Variants in PMFBP1 observed in about 807,000 individuals in gnomAD.
The protein encoded by PMFBP1 is polyamine-modulated factor 1-binding protein 1.
In PMFBP1, 131 loss-of-function variants were observed where a neutral mutation model predicts 137.8. The ratio of observed to expected loss-of-function variants is 0.95; its 90% CI spans 0.82 to 1.10. The LOEUF (loss-of-function observed/expected upper bound fraction) is 1.10. Ranked by LOEUF, PMFBP1 falls within the 50% of genes least tolerant of loss-of-function variation. The pLI is 0.00. For synonymous variants in PMFBP1, 490 were observed against 450.4 expected, an observed-to-expected ratio of 1.09 and a Z score of -1.11; for missense variants, 1,199 against 1,175.4, an observed-to-expected ratio of 1.02 and a Z score of -0.29.
intron 3 of PMFBP1, among the ~76,000 whole-genome samples, chr16:72,161,280 T>C (rs1307526696): frequency 6.6e-6 from 1 of 151,948 alleles, no homozygotes; most frequent in African/African-American, 2.4e-5. Flanking sequence ...GTATTTTTAG[T>C]AGAGATGGGG....
the PMFBP1 span, among the ~76,000 whole-genome samples, chr16:72,233,723 G>A: frequency 2.6e-5 from 4 of 151,866 alleles, no homozygotes; most frequent in African/African-American, 7.3e-5. Flanking sequence ...TATACCTATC[G>A]GCAGTCATTC....
the PMFBP1 span, among the ~76,000 whole-genome samples, chr16:72,240,832 A>C: frequency 6.6e-6 from 1 of 152,116 alleles, no homozygotes; most frequent in South Asian, 2.1e-4. Context: ...GAATCTTTTT[A>C]TATGTAAATA....
chr16:72,132,971 C>T lies in PMFBP1; in HGVS notation c.1224G>A (p.Glu408=). Residue 408 remains glutamate, a synonymous_variant, in exon 10 of 21, where the codon GAG becomes GAA. Coordinates refer to ENST00000237353, the MANE Select transcript of PMFBP1 (RefSeq NM_031293.3). The part of the protein sequence containing the change: ...KKDKFLQEKD[E]MLQELEKKLT... ...GTTTCTTCTCCAGCTCTTGCAGCAT[C>T]TCATCTTTCTCTTGGAGGAACTGAA... 6.2e-7 allele frequency: 1 copy of T among 1,614,126 alleles called. No homozygotes were observed. The highest frequency in any genetic ancestry group is 1.3e-5 in the African/African-American group (1 of 75,018).
Position 72,130,368 on chromosome 16 carries a change from A to G in PMFBP1, c.1638-11T>C, listed in dbSNP as rs1397998700. ...TCCTCCACCCGTTTTCTAAAGCAAA[A>G]TAACAGCCACAGGAGGACAGACTTC... is the stretch of plus-strand genomic sequence containing the variant. On this transcript the variant is annotated splice_polypyrimidine_tract_variant and intron_variant, in intron 11 of 20. Transcript: ENST00000237353. 1 of 1,614,050 alleles carries G rather than the reference A, an allele frequency of 6.2e-7. No individual in the cohort carries two copies. Among genetic ancestry groups the G allele is most frequent in the Non-Finnish European group, 8.5e-7 (1 of 1,180,024 alleles).
At chr16:72,157,865 T>G (rs1431103540) in intron 3 of PMFBP1, among the ~76,000 whole-genome samples, 1 of 152,182 alleles carries the variant, frequency 6.6e-6, no homozygotes, top group African/African-American at 2.4e-5. Context: ...GGGTTCTAGA[T>G]GTATCTTGAA....
chr16:72,235,599 A>C, the PMFBP1 span, among the ~76,000 whole-genome samples: 1 of 151,858 alleles, frequency 6.6e-6, no homozygotes, highest in Non-Finnish European at 1.5e-5. Flanking sequence ...TCTGTAGATC[A>C]CTTTGGGAAA....
At chr16:72,144,587 T>C (rs1338752223) in intron 5 of PMFBP1, among the ~76,000 whole-genome samples, 1 of 152,184 alleles carries the variant, frequency 6.6e-6, no homozygotes, top group Non-Finnish European at 1.5e-5. Context: ...TCGAGCCTTA[T>C]GTCATTATAC....
At chr16:72,126,587 T>C (rs1362738571) in intron 14 of PMFBP1, among the ~76,000 whole-genome samples, 1 of 152,254 alleles carries the variant, frequency 6.6e-6, no homozygotes, top group African/African-American at 2.4e-5. Context: ...TTTCCTGCTG[T>C]TTCCCCATTG....
At chr16:72,140,386 G>C (rs768261267) in intron 6 of PMFBP1, 26 bp downstream of exon 6, 1 of 1,591,732 alleles carries the variant, frequency 6.3e-7, no homozygotes, top group East Asian at 2.2e-5. Flanking sequence ...GTCTCCCAGA[G>C]ACATGTTCTA....
chr16:72,182,365 G>A, the PMFBP1 span, among the ~76,000 whole-genome samples: 8 of 152,142 alleles, frequency 5.3e-5, no homozygotes, highest in African/African-American at 1.9e-4. Context: ...GCATGGTGGT[G>A]CACACCTGTA....
chr16:72,166,172 T>C (rs1454602961), intron 2 of PMFBP1, among the ~76,000 whole-genome samples: 1 of 152,174 alleles, frequency 6.6e-6, no homozygotes, highest in African/African-American at 2.4e-5. Flanking sequence ...CCAAACCTCA[T>C]CTCAAATTGT....
chr16:72,157,566 G>A (rs545344616), intron 3 of PMFBP1, among the ~76,000 whole-genome samples: 10 of 152,246 alleles, frequency 6.6e-5, no homozygotes, highest in Admixed American at 6.5e-4. Context: ...AAGGGGGAAA[G>A]CTGTGCCTGA....
At chr16:72,128,441 G>T in intron 14 of PMFBP1, 1 of 1,510,360 alleles carries the variant, frequency 6.6e-7, no homozygotes, top group Non-Finnish European at 8.8e-7. Context: ...GGCTCCACCA[G>T]ATATGAGATG....
At chr16:72,216,507 ACTAGATATAAGGT>A in the PMFBP1 span, among the ~76,000 whole-genome samples, 1 of 152,206 alleles carries the variant, frequency 6.6e-6, no homozygotes, top group African/African-American at 2.4e-5. Context: ...GTGGTAACAC[ACTAGATATAAGGT>A]CTCCTCTCAA....
chr16:72,124,965 C>T (rs764939526), intron 16 of PMFBP1, 31 bp from the exon 17 acceptor site: 1 of 1,605,980 alleles, frequency 6.2e-7, no homozygotes, highest in South Asian at 1.1e-5. Context: ...AGGAGGGGGA[C>T]TCCAGCTGGC....
In PMFBP1 at chr16:72,156,452, A is replaced by G. The variant is rs1260038533; in HGVS notation, c.166-1993T>C. Among the ~76,000 whole-genome samples the G allele has an allele frequency of 5.3e-5, 8 of 152,094 alleles. No individual in the cohort carries two copies. The East Asian group carries it at 1.6e-3, about 30-fold the overall frequency. On this transcript the variant is annotated intron_variant, in intron 3 of 20. Coordinates refer to ENST00000237353, the MANE Select transcript of PMFBP1 (RefSeq NM_031293.3). ...GCTAACACAGTGAAACCCCGTCTCC[A>G]CTAAAAATACAAAAAAAATTAGCCA...
intron 2 of PMFBP1, among the ~76,000 whole-genome samples, chr16:72,168,020 G>C (rs2043169828): frequency 6.6e-6 from 1 of 152,284 alleles, no homozygotes; most frequent in Non-Finnish European, 1.5e-5. Context: ...GTTCAGAATT[G>C]GATCTTCAAT....
intron 3 of PMFBP1, among the ~76,000 whole-genome samples, chr16:72,158,815 G>A (rs529628061): frequency 3.9e-5 from 6 of 151,998 alleles, no homozygotes; most frequent in African/African-American, 9.7e-5. Context: ...GCAAGATAGC[G>A]AGACCACCAT....
chr16:72,163,907 T>C (rs996566017), intron 3 of PMFBP1, among the ~76,000 whole-genome samples: 14 of 150,496 alleles, frequency 9.3e-5, no homozygotes, highest in African/African-American at 3.2e-4. Context: ...ACAATGAACT[T>C]TGGGGACTCT....
Sources: gnomAD v4.1 joint callset for allele counts (sites outside exome capture counted in the v4.1 genomes callset) on GRCh38, gnomAD v4.1.1 for gene constraint, MANE v1.5 for transcripts, NCBI Gene and HGNC (gene_info 2026-07-23, HGNC 2026-07-21) for gene names.